Variants in ADAMTSL3 observed in about 807,000 individuals in gnomAD.
The protein encoded by ADAMTSL3 is ADAMTS like 3, also known as ADAMTS-like protein 3.
Under a neutral mutation model 201.7 loss-of-function variants are expected in ADAMTSL3, and 128 were observed. The observed-to-expected ratio is 0.63, with a 90% CI of 0.55 to 0.73. The LOEUF is 0.73. ADAMTSL3 is among the 30% of genes least tolerant of loss of function. The probability of loss-of-function intolerance (pLI) is 0.00; values close to 1 mark genes in which losing one functional copy is unlikely to be tolerated. For synonymous variants in ADAMTSL3, 738 were observed against 748.4 expected (o/e 0.99, Z 0.23); for missense variants, 1,990 against 2,119.6 (o/e 0.94, Z 1.20).
At chr15:83,828,280 T>C (rs1315049377) in intron 6 of ADAMTSL3, among the ~76,000 whole-genome samples, 1 of 152,204 alleles carries the variant, frequency 6.6e-6, no homozygotes, top group Non-Finnish European at 1.5e-5. Context: ...TTTATTCTCT[T>C]TGAAGCAATG....
chr15:84,011,751 C>G (rs999395366), intron 23 of ADAMTSL3, among the ~76,000 whole-genome samples: 1 of 152,066 alleles, frequency 6.6e-6, no homozygotes, highest in Non-Finnish European at 1.5e-5. Context: ...AGTAAGATGA[C>G]TAGAAACAAG....
intron 6 of ADAMTSL3, among the ~76,000 whole-genome samples, chr15:83,835,440 A>G (rs2064249466): frequency 2.6e-5 from 4 of 152,164 alleles, no homozygotes. Context: ...CTTAAAAAAA[A>G]TTATGAAGCA....
At chr15:84,000,822 G>T (rs1445024158) in intron 23 of ADAMTSL3, among the ~76,000 whole-genome samples, 1 of 152,194 alleles carries the variant, frequency 6.6e-6, no homozygotes. Context: ...ATCACAAGCA[G>T]ATCTGTGTGA....
chr15:83,666,701 C>T (rs72761821), intron 2 of ADAMTSL3, among the ~76,000 whole-genome samples: 3,115 of 151,892 alleles, frequency 0.021, 46 homozygotes, highest in Non-Finnish European at 0.033. Flanking sequence ...ATTATCTGGG[C>T]GTGGTGGTGT....
chr15:83,914,140 CCT>C (rs1314988479), intron 16 of ADAMTSL3, among the ~76,000 whole-genome samples: 3 of 152,200 alleles, frequency 2.0e-5, no homozygotes, highest in East Asian at 1.9e-4. Flanking sequence ...TCCTTTGACC[CCT>C]GACTGTGCCT....
chr15:83,795,209 C>T (rs2141835983), intron 4 of ADAMTSL3, among the ~76,000 whole-genome samples: 1 of 151,872 alleles, frequency 6.6e-6, no homozygotes, highest in Non-Finnish European at 1.5e-5. Context: ...ACTAGAAATG[C>T]CAGGCAAAAT....
intron 15 of ADAMTSL3, 144 bp downstream of exon 15, chr15:83,899,875 A>G: frequency 8.6e-7 from 1 of 1,156,790 alleles, no homozygotes. Flanking sequence ...TGAGCTGGCT[A>G]GAATTTTTCT....
chr15:83,709,516 C>A (rs1289824547), intron 3 of ADAMTSL3, among the ~76,000 whole-genome samples: 2 of 152,138 alleles, frequency 1.3e-5, no homozygotes, highest in Non-Finnish European at 2.9e-5. Context: ...GGTCACTGCA[C>A]ATGGTTCTTT....
intron 5 of ADAMTSL3, among the ~76,000 whole-genome samples, chr15:83,813,805 C>G (rs2063732811): frequency 6.6e-6 from 1 of 152,160 alleles, no homozygotes; most frequent in Admixed American, 6.5e-5. Context: ...AGACTGGCCC[C>G]TGAGCCCTAG....
rs58242834 is a variant in ADAMTSL3 at position 83,687,025 on chromosome 15, T to TACAAACAAACAA, written c.70-17344_70-17333dup. On this transcript the variant is annotated intron_variant, in intron 2 of 29. Coordinates refer to ENST00000286744, the MANE Select transcript of ADAMTSL3 (RefSeq NM_207517.3). Reference sequence around the variant, plus strand: ...GGGCAACACAGCAGGACCCTGTCTCTACAAACAAACAAACAAACAAACAAA... The same window carrying TACAAACAAACAA: ...GGGCAACACAGCAGGACCCTGTCTCTACAAACAAACAAACAAACAAACAAACAAACAAACAAA... Among the ~76,000 whole-genome samples, 121 of 149,798 alleles carry TACAAACAAACAA rather than the reference T, an allele frequency of 8.1e-4. 1 individual carries two copies. Among genetic ancestry groups the TACAAACAAACAA allele is most frequent in the East Asian group, 3.0e-3 (15 of 5,064 alleles).
intron 28 of ADAMTSL3, 113 bp downstream of exon 28, chr15:84,031,545 C>A: frequency 4.4e-6 from 4 of 912,192 alleles, no homozygotes; most frequent in Non-Finnish European, 6.9e-6. Context: ...TCATAATTGA[C>A]AGTTTTCAAT....
intron 9 of ADAMTSL3, among the ~76,000 whole-genome samples, chr15:83,881,892 G>A (rs965263341): frequency 5.3e-5 from 8 of 149,858 alleles, no homozygotes; most frequent in African/African-American, 1.5e-4. Context: ...GATGGCTCAC[G>A]CCTGTAATCC....
At chr15:83,969,791 A>G (rs912869736) in intron 19 of ADAMTSL3, among the ~76,000 whole-genome samples, 18 of 152,258 alleles carry the variant, frequency 1.2e-4, no homozygotes, top group African/African-American at 4.1e-4. Context: ...AATAAGTTCT[A>G]GAGATCTGCG....
At chr15:83,823,668 G>A (rs773743627) in intron 6 of ADAMTSL3, among the ~76,000 whole-genome samples, 1 of 152,110 alleles carries the variant, frequency 6.6e-6, no homozygotes, top group Non-Finnish European at 1.5e-5. Context: ...TGTTCTCCGA[G>A]CTCCCACCAT....
chr15:83,881,116 A>G (rs1039162621), intron 9 of ADAMTSL3, among the ~76,000 whole-genome samples: 3 of 152,194 alleles, frequency 2.0e-5, no homozygotes, highest in African/African-American at 7.2e-5. Flanking sequence ...CACTCTTCCA[A>G]CTGGATTATT....
At chr15:83,675,239 G>A (rs2061386944) in intron 2 of ADAMTSL3, among the ~76,000 whole-genome samples, 1 of 151,980 alleles carries the variant, frequency 6.6e-6, no homozygotes. Context: ...GGTGAAACTA[G>A]GAGGTCCTTG....
chr15:83,944,653 A>G (rs2066622119), intron 19 of ADAMTSL3, among the ~76,000 whole-genome samples: 1 of 152,210 alleles, frequency 6.6e-6, no homozygotes, highest in Non-Finnish European at 1.5e-5. Flanking sequence ...ATTCAAACCC[A>G]GGCCTGTGTG....
chr15:83,699,572 A>C (rs2061739584), intron 2 of ADAMTSL3, among the ~76,000 whole-genome samples: 1 of 152,172 alleles, frequency 6.6e-6, no homozygotes, highest in East Asian at 1.9e-4. Flanking sequence ...CAGTCTCCAC[A>C]AAGCAGTCAG....
intron 2 of ADAMTSL3, among the ~76,000 whole-genome samples, chr15:83,691,792 T>G (rs2061611988): frequency 6.6e-6 from 1 of 152,090 alleles, no homozygotes; most frequent in Non-Finnish European, 1.5e-5. Flanking sequence ...TTTTTGTATT[T>G]TTAGTAGAGA....
Sources: allele counts gnomAD v4.1 joint callset (sites outside exome capture counted in the v4.1 genomes callset), GRCh38; gene constraint gnomAD v4.1.1; transcripts MANE v1.5; gene names NCBI Gene and HGNC (gene_info 2026-07-23, HGNC 2026-07-21).